Variants in PRSS58 observed in about 807,000 individuals in gnomAD.
PRSS58 encodes protease, serine 58.
In PRSS58, 31 loss-of-function variants were observed where a neutral mutation model predicts 25.0. That is an observed-to-expected ratio of 1.24 (90% CI 0.93 to 1.67). The LOEUF is 1.67. Among genes scored for constraint, PRSS58 ranks in the 40% most tolerant of loss-of-function variants. PRSS58 has a pLI of 0.00. For missense variants in PRSS58, 324 were observed against 287.9 expected (o/e 1.13, Z -0.91); for synonymous variants, 119 against 106.1 (o/e 1.12, Z -0.75).
intron 4 of PRSS58, among the ~76,000 whole-genome samples, chr7:142,253,459 G>A (rs1422796675): frequency 2.6e-5 from 4 of 152,130 alleles, no homozygotes; most frequent in Admixed American, 1.3e-4. Context: ...ACTGTGAATT[G>A]TGCACACTTG....
chr7:142,252,510 ACAG>A lies in PRSS58; in HGVS notation c.535_537del (p.Leu179del), dbSNP rs1192232852. The A allele has an allele frequency of 6.2e-7, 1 of 1,614,024 alleles. No homozygotes were observed. Among genetic ancestry groups the A allele is most frequent in the Non-Finnish European group, 8.5e-7 (1 of 1,180,026 alleles). The stretch of plus-strand genomic sequence containing the variant: ...CTCCTTCCTGGCACAATGCCCACAC[ACAG>A]CATATTTTCCGTGATGTTGTAGGTT... On this transcript the variant is annotated inframe_deletion, in exon 5 of 6. Transcript: ENST00000547058.
intron 4 of PRSS58, among the ~76,000 whole-genome samples, chr7:142,254,774 A>G (rs532758313): frequency 5.9e-5 from 9 of 152,208 alleles, no homozygotes; most frequent in Non-Finnish European, 1.0e-4. Flanking sequence ...CCAAGGTAAA[A>G]TGACCTGCTG....
intron 4 of PRSS58, among the ~76,000 whole-genome samples, chr7:142,254,388 A>T (rs538918454): frequency 9.2e-5 from 14 of 152,320 alleles, no homozygotes; most frequent in South Asian, 4.1e-4. Context: ...AATATGAAAC[A>T]TGAGGCCTAG....
chr7:142,255,291 C>G lies in PRSS58; in HGVS notation c.200G>C (p.Gly67Ala), dbSNP rs773777932. ...ATTAGAGTCTGCTGGGATTGTAACC[C>G]CCAATATCACCCGAAGCTTTCTGGA... ...CNLPKLRVIL[G>A]VTIPADSNEK... Residue 67 changes from glycine (G) to alanine (A), a missense_variant, in exon 4 of 6, where the codon GGG (glycine) becomes GCG (alanine). By Grantham distance (60) the Gly-to-Ala change is moderately conservative (BLOSUM62 0). Transcript: ENST00000547058. The G allele has an allele frequency of 1.2e-6, 2 of 1,613,646 alleles. No individual in the cohort carries two copies. The highest frequency in any genetic ancestry group is 1.7e-5 in the Admixed American group (1 of 59,978).
In PRSS58 at chr7:142,255,143, A is replaced by G. The variant is rs780987551; in HGVS notation, c.348T>C (p.Tyr116=). 8.7e-6 allele frequency: 14 copies of G among 1,614,088 alleles called. No individual in the cohort carries two copies. Among genetic ancestry groups the G allele is most frequent in the Admixed American group, 8.3e-5 (5 of 60,008 alleles). The change falls in exon 4 of 6, where the codon TAT becomes TAC. Residue 116 remains tyrosine, a synonymous_variant. Transcript: ENST00000547058. ...GGTAGGGCAGGTTGGCTAATTTCACATAGTCATTGAGTTCAGCCTCTGTTT... is the reference window on the plus strand; with the variant it reads ...GGTAGGGCAGGTTGGCTAATTTCACGTAGTCATTGAGTTCAGCCTCTGTTT... ...KLKTEAELND[Y]VKLANLPYQT... is the part of the protein sequence containing the mutation.
intron 4 of PRSS58, among the ~76,000 whole-genome samples, chr7:142,254,677 A>G (rs4726507): frequency 0.18 from 27,668 of 152,106 alleles, 3,375 homozygotes; most frequent in African/African-American, 0.34. Context: ...GACTTTTCAA[A>G]GCTTCAAGTT....
chr7:142,255,433 T>C, intron 3 of PRSS58, 102 bp downstream of exon 3: 1 of 1,589,656 alleles, frequency 6.3e-7, no homozygotes, highest in East Asian at 2.2e-5. Flanking sequence ...CAAAGGCTTT[T>C]CTAATCCCAT....
intron 4 of PRSS58, 111 bp downstream of exon 4, chr7:142,254,944 G>C (rs1215026603): frequency 6.4e-6 from 7 of 1,088,538 alleles, no homozygotes; most frequent in Non-Finnish European, 8.1e-6. Context: ...AAAAGGAAAG[G>C]GGGGAAAGAG....
Position 142,255,192 on chromosome 7 carries a change from T to C in PRSS58, c.299A>G (p.His100Arg), listed in dbSNP as rs755209350. The C allele has an allele frequency of 3.1e-6, 5 of 1,614,188 alleles. No homozygotes were observed. In the East Asian group the frequency reaches 1.1e-4, roughly 36 times the overall value. Reference protein sequence around the residue: ...HPHFSVTSIDHDIMLIKLKTE... With the variant: ...HPHFSVTSIDRDIMLIKLKTE... ...TTTCAGCTTGATTAGCATGATGTCA[T>C]GATCAATAGAAGTGACTGAGAAGTG... Residue 100 changes from histidine (H) to arginine (R), a missense_variant, in exon 4 of 6, where the codon CAT (histidine) becomes CGT (arginine). Physicochemically the swap from His to Arg is conservative, Grantham distance 29. Coordinates refer to ENST00000547058, the MANE Select transcript of PRSS58 (RefSeq NM_001001317.5).
intron 4 of PRSS58, among the ~76,000 whole-genome samples, chr7:142,254,650 A>T (rs1203126936): frequency 6.6e-6 from 1 of 152,152 alleles, no homozygotes; most frequent in Non-Finnish European, 1.5e-5. Context: ...CATTTAATAC[A>T]CTGATATTTA....
chr7:142,252,658 A>G, intron 4 of PRSS58, 47 bp from the exon 5 acceptor site: 9 of 1,556,486 alleles, frequency 5.8e-6, no homozygotes, highest in Non-Finnish European at 7.8e-6. Context: ...TTTGTTAGGT[A>G]TTAAAACTTC....
intron 2 of PRSS58, among the ~76,000 whole-genome samples, chr7:142,257,033 A>C (rs1798567521): frequency 6.6e-6 from 1 of 152,168 alleles, no homozygotes; most frequent in Non-Finnish European, 1.5e-5. Context: ...TTGTTTCCTG[A>C]GTACAAATGG....
At chr7:142,257,771 A>G in intron 1 of PRSS58, 23 bp from the exon 2 acceptor site, 1 of 1,271,598 alleles carries the variant, frequency 7.9e-7, no homozygotes, top group Non-Finnish European at 1.1e-6. Flanking sequence ...AGAGAAAACA[A>G]CTAAATAAAA....
At chr7:142,254,445 A>G (rs1798520027) in intron 4 of PRSS58, among the ~76,000 whole-genome samples, 2 of 152,200 alleles carry the variant, frequency 1.3e-5, no homozygotes, top group Admixed American at 1.3e-4. Flanking sequence ...CAAATTATGT[A>G]TAGAAAACTT....
chr7:142,255,795 A>C, intron 2 of PRSS58, 122 bp from the exon 3 acceptor site: 1 of 732,316 alleles, frequency 1.4e-6, no homozygotes. Context: ...CTTTATCTGT[A>C]AAATGACTTA....
intron 4 of PRSS58, among the ~76,000 whole-genome samples, chr7:142,254,345 A>G (rs941787272): frequency 2.0e-5 from 3 of 152,222 alleles, no homozygotes; most frequent in Admixed American, 6.5e-5. Flanking sequence ...CTTAGAAAAC[A>G]GAAAGTTGCC....
chr7:142,256,679 T>G (rs1798560969), intron 2 of PRSS58, among the ~76,000 whole-genome samples: 1 of 152,156 alleles, frequency 6.6e-6, no homozygotes, highest in Admixed American at 6.5e-5. Context: ...CAGGCTGGTC[T>G]CAAACTCTTG....
intron 1 of PRSS58, 40 bp downstream of exon 1, chr7:142,257,951 A>G (rs1282715526): frequency 3.6e-5 from 18 of 501,524 alleles, no homozygotes; most frequent in Non-Finnish European, 6.3e-5. Context: ...ATGGTTCTGG[A>G]ACTCAGAGTT....
At chr7:142,254,356 T>G (rs958253789) in intron 4 of PRSS58, among the ~76,000 whole-genome samples, 3 of 152,128 alleles carry the variant, frequency 2.0e-5, no homozygotes, top group Non-Finnish European at 4.4e-5. Flanking sequence ...GAAAGTTGCC[T>G]TAAGTTGTGG....
Sources: allele counts gnomAD v4.1 joint callset (sites outside exome capture counted in the v4.1 genomes callset), GRCh38; gene constraint gnomAD v4.1.1; transcripts MANE v1.5; gene names NCBI Gene and HGNC (gene_info 2026-07-23, HGNC 2026-07-21).